The following APBA1 variants were observed in gnomAD, a reference collection of about 807,000 sequenced individuals.
APBA1 encodes amyloid beta precursor protein binding family A member 1.
APBA1 carries 55 observed loss-of-function variants against 86.6 expected under a neutral mutation model. That is an observed-to-expected ratio of 0.64 (90% confidence interval 0.51 to 0.80). The LOEUF (loss-of-function observed/expected upper bound fraction) is 0.80. Ranked by LOEUF, APBA1 falls within the 30% of genes least tolerant of loss-of-function variation. APBA1 has a pLI of 0.00. For synonymous variants in APBA1, 511 were observed against 493.9 expected (o/e 1.03, Z -0.46); for missense variants, 1,090 against 1,183.0 (o/e 0.92, Z 1.15).
At chr9:69,551,484 C>T (rs1392867902) in intron 1 of APBA1, among the ~76,000 whole-genome samples, 4 of 150,488 alleles carry the variant, frequency 2.7e-5, no homozygotes, top group South Asian at 2.1e-4. Flanking sequence ...ACCCGGGAGG[C>T]GGAGGTTGCA....
At chr9:69,466,558 G>A (rs1275059622) in intron 5 of APBA1, among the ~76,000 whole-genome samples, 3 of 152,088 alleles carry the variant, frequency 2.0e-5, no homozygotes, top group Non-Finnish European at 4.4e-5. Flanking sequence ...TCCTCTCCTT[G>A]GGCACACCCC....
At chr9:69,631,121 A>C (rs979409137) in intron 1 of APBA1, among the ~76,000 whole-genome samples, 7 of 152,168 alleles carry the variant, frequency 4.6e-5, no homozygotes, top group Admixed American at 4.6e-4. Flanking sequence ...GGTAGATGCT[A>C]CTCTGCTGTT....
chr9:69,436,000 T>C (rs1412595414), intron 11 of APBA1, among the ~76,000 whole-genome samples: 1 of 152,090 alleles, frequency 6.6e-6, no homozygotes, highest in African/African-American at 2.4e-5. Flanking sequence ...TACATATGGC[T>C]AGCCAGTTTT....
In APBA1 at chr9:69,481,459, G is replaced by T. The variant is rs984875215; in HGVS notation, c.1201-5316C>A. Among the ~76,000 whole-genome samples the T allele has an allele frequency of 1.6e-4, 25 of 151,960 alleles. No homozygotes were observed. The South Asian group carries it at 4.2e-3, about 25-fold the overall frequency. ...AGGAGAACTACAAACCACTGCTCAA[G>T]GAAATAAAAGAGGATACAAACAAAT... On this transcript the variant is annotated intron_variant, in intron 2 of 12. Coordinates refer to ENST00000265381, the MANE Select transcript of APBA1 (RefSeq NM_001163.4).
chr9:69,638,450 A>G (rs1343641598), intron 1 of APBA1, among the ~76,000 whole-genome samples: 1 of 152,174 alleles, frequency 6.6e-6, no homozygotes, highest in African/African-American at 2.4e-5. Context: ...CATGTTGGCC[A>G]GGCTGATCTC....
chr9:69,432,821 G>T, intron 11 of APBA1, 145 bp from the exon 12 acceptor site: 1 of 816,186 alleles, frequency 1.2e-6, no homozygotes, highest in Non-Finnish European at 1.7e-6. Context: ...CTCTCTTAGT[G>T]TCTTTTCACA....
chr9:69,669,336 C>A (rs756987740), intron 1 of APBA1, among the ~76,000 whole-genome samples: 1 of 152,038 alleles, frequency 6.6e-6, no homozygotes, highest in Non-Finnish European at 1.5e-5. Context: ...CCTAAGTCTT[C>A]CGAAACAAAC....
Position 69,476,769 on chromosome 9 carries a change from C to T in APBA1, c.1201-626G>A, listed in dbSNP as rs114078700. ...AACAGTTCAAAAATCCTTTGTCAAACGGTGTATCGGAAAATAAGGCTTAGA... is the reference window on the plus strand; with the variant it reads ...AACAGTTCAAAAATCCTTTGTCAAATGGTGTATCGGAAAATAAGGCTTAGA... On this transcript the variant is annotated intron_variant, in intron 2 of 12. Transcript: ENST00000265381. Among the ~76,000 whole-genome samples the T allele has an allele frequency of 2.7e-3, 411 of 152,236 alleles. 1 individual carries two copies. The highest frequency in any genetic ancestry group is 9.3e-3 in the African/African-American group (386 of 41,526).
chr9:69,540,394 A>T (rs1401132115), intron 1 of APBA1, among the ~76,000 whole-genome samples: 1 of 151,950 alleles, frequency 6.6e-6, no homozygotes, highest in Non-Finnish European at 1.5e-5. Flanking sequence ...CATGACAGAT[A>T]CCCTCTTAAT....
chr9:69,522,306 C>T (rs530748148), intron 1 of APBA1, among the ~76,000 whole-genome samples: 2 of 152,002 alleles, frequency 1.3e-5, no homozygotes, highest in Non-Finnish European at 2.9e-5. Context: ...ATCCCCCACC[C>T]CTCCCACCCA....
intron 8 of APBA1, 27 bp from the exon 9 acceptor site, chr9:69,452,328 T>A: frequency 6.2e-7 from 1 of 1,611,850 alleles, no homozygotes; most frequent in Non-Finnish European, 8.5e-7. Context: ...AGAGGAAAGA[T>A]GGTCAGCAGG....
chr9:69,483,015 T>G (rs1218960255), intron 2 of APBA1, among the ~76,000 whole-genome samples: 1 of 149,872 alleles, frequency 6.7e-6, no homozygotes, highest in African/African-American at 2.4e-5. Flanking sequence ...ATATACCTAA[T>G]GCTAGATGCC....
intron 7 of APBA1, 44 bp downstream of exon 7, chr9:69,457,009 T>C (rs746989036): frequency 1.2e-5 from 18 of 1,508,258 alleles, no homozygotes; most frequent in South Asian, 2.3e-5. Context: ...TGAGTTACGA[T>C]GTCACTAAGC....
rs565786954 is a variant in APBA1, at chr9:69,551,953, A to G, written c.-69-34674T>C. ...GCATGGCATCTATGGTTTGAGATGG[A>G]AAGACACACAGGAGGGGAAGAACTG... On this transcript the variant is annotated intron_variant, in intron 1 of 12. Coordinates refer to ENST00000265381, the MANE Select transcript of APBA1 (RefSeq NM_001163.4). 1.3e-4 allele frequency among the ~76,000 whole-genome samples: 20 copies of G among 152,342 alleles called. No individual in the cohort carries two copies. The East Asian group carries it at 2.7e-3, about 21-fold the overall frequency.
intron 1 of APBA1, among the ~76,000 whole-genome samples, chr9:69,587,736 T>C (rs1442734119): frequency 3.3e-5 from 5 of 151,902 alleles, no homozygotes; most frequent in Non-Finnish European, 7.4e-5. Context: ...GAATGTACTG[T>C]GATATTGGCC....
intron 10 of APBA1, among the ~76,000 whole-genome samples, chr9:69,444,021 C>T (rs1488077376): frequency 1.3e-5 from 2 of 152,136 alleles, no homozygotes; most frequent in African/African-American, 4.8e-5. Flanking sequence ...CTGACTTCTG[C>T]TTCTAGTTTG....
chr9:69,499,796 TA>T (rs1026685980), intron 2 of APBA1, among the ~76,000 whole-genome samples: 115 of 145,196 alleles, frequency 7.9e-4, no homozygotes, highest in East Asian at 5.0e-3. Flanking sequence ...TTCTTGAAAT[TA>T]AAAAAAAAAA....
chr9:69,494,470 T>A (rs1835763908), intron 2 of APBA1: 1 of 152,048 alleles, frequency 6.6e-6, no homozygotes, highest in Non-Finnish European at 1.5e-5. Flanking sequence ...TCTGAAGCCA[T>A]GTTCTCAAAG....
chr9:69,613,439 T>A (rs1278033352), intron 1 of APBA1, among the ~76,000 whole-genome samples: 1 of 152,216 alleles, frequency 6.6e-6, no homozygotes, highest in Non-Finnish European at 1.5e-5. Flanking sequence ...ACAGCTTTCC[T>A]CTTGAAGCTT....
Sources: gnomAD v4.1 joint callset for allele counts (sites outside exome capture counted in the v4.1 genomes callset) on GRCh38, gnomAD v4.1.1 for gene constraint, MANE v1.5 for transcripts, NCBI Gene and HGNC (gene_info 2026-07-23, HGNC 2026-07-21) for gene names.